ZNF550: variants seen among roughly 807,000 people sequenced by gnomAD.
ZNF550 encodes zinc finger protein 550.
Under a neutral mutation model 40.2 loss-of-function variants are expected in ZNF550, and 42 were observed. That is an observed-to-expected ratio of 1.05 (90% CI 0.82 to 1.35). The LOEUF (loss-of-function observed/expected upper bound fraction) is 1.35. ZNF550 is among the 40% of genes most tolerant of loss of function. The pLI, the probability that ZNF550 is intolerant of heterozygous loss-of-function variation, is 0.00. For missense variants in ZNF550, 549 were observed against 525.2 expected (o/e 1.05, Z -0.44); for synonymous variants, 223 against 198.6 (o/e 1.12, Z -1.03).
rs2090153938 is a variant in ZNF550 at position 57,559,689 on chromosome 19, G to A, written c.-7C>T. 3 of 1,501,016 alleles carry A rather than the reference G, an allele frequency of 2.0e-6. No homozygotes were observed. Among genetic ancestry groups the A allele is most frequent in the African/African-American group, 1.4e-5 (1 of 72,114 alleles). The allele number at this position is 1,501,016 out of a possible 1,614,324, so 93.0% of individuals were successfully genotyped here. ...CGTCCTTCGTCTCCGCCATCCGACC[G>A]TTGGCAGGACGAGGCCGCGTGGGGC... On this transcript the variant is annotated 5_prime_UTR_variant, in exon 1 of 5. In the 5' UTR this introduces an upstream ATG that the reference lacks. Coordinates refer to ENST00000457177, the Ensembl canonical transcript of ZNF550.
intron 1 of ZNF550, among the ~76,000 whole-genome samples, chr19:57,559,416 G>T (rs992981338): frequency 9.2e-5 from 14 of 152,314 alleles, no homozygotes; most frequent in East Asian, 5.8e-4. Flanking sequence ...CCTGTGAGGG[G>T]TTCCGGGACC....
At chr19:57,542,969 T>C (rs2123328580) in exon 5 of ZNF550, 1 of 152,500 alleles carries the variant, frequency 6.6e-6, no homozygotes. Context: ...GCCCTATGAA[T>C]TTCTGCAGTT....
chr19:57,555,740 C>T, intron 2 of ZNF550: 1 of 191,658 alleles, frequency 5.2e-6, no homozygotes. Context: ...TCCTGTGTAC[C>T]CTCTAAAAAC....
intron 4 of ZNF550, among the ~76,000 whole-genome samples, chr19:57,545,434 C>T (rs1177706712): frequency 6.6e-6 from 1 of 152,100 alleles, no homozygotes; most frequent in African/African-American, 2.4e-5. Context: ...AAATACCCCT[C>T]TACACAGGAT....
chr19:57,548,018 A>AG lies in ZNF550; in HGVS notation c.251-26dup, dbSNP rs1381013177. On this transcript the variant is annotated intron_variant, in intron 3 of 4. Transcript: ENST00000457177. ...CCTGAAGGGCATCAACAAACAAAGGAGGGGTCTTTTAGTGATAAAATATAG... is the reference window on the plus strand; with the variant it reads ...CCTGAAGGGCATCAACAAACAAAGGAGGGGGTCTTTTAGTGATAAAATATAG... 3.1e-6 allele frequency: 5 copies of AG among 1,593,514 alleles called. No individual in the cohort carries two copies. The East Asian group carries it at 1.1e-4, about 36-fold the overall frequency.
rs769369064 is a variant in ZNF550, at chr19:57,556,242, AG to A, written c.142del (p.Leu48TrpfsTer4). ...AGGTGAGTCATTACCTAGTGAAACC[AG>A]AAGCCCACAGGTCTCCAGCATCACC... is the stretch of plus-strand genomic sequence containing the variant. On this transcript the variant is annotated frameshift_variant, in exon 2 of 5. Transcript: ENST00000457177. LOFTEE classifies it high-confidence loss of function. 4 of 1,614,132 alleles carry A rather than the reference AG, an allele frequency of 2.5e-6. No individual in the cohort carries two copies. In the South Asian group the frequency reaches 3.3e-5, roughly 13 times the overall value.
At chr19:57,556,481 G>GC in intron 1 of ZNF550, 124 bp from the exon 2 acceptor site, 2 of 1,287,540 alleles carry the variant, frequency 1.6e-6, no homozygotes, top group Admixed American at 2.3e-5. Context: ...TCTCCTTTGG[G>GC]CTGACTTCCG....
At chr19:57,549,322 G>A (rs1158130419) in intron 3 of ZNF550, among the ~76,000 whole-genome samples, 2 of 152,128 alleles carry the variant, frequency 1.3e-5, no homozygotes, top group East Asian at 3.9e-4. Context: ...GTGCATGCCT[G>A]TAATCCCAGC....
intron 2 of ZNF550, chr19:57,552,970 A>C (rs879378034): frequency 3.1e-5 from 13 of 421,038 alleles, no homozygotes; most frequent in African/African-American, 1.6e-4. Context: ...TTAGAAGGTA[A>C]TTAAAATTAA....
chr19:57,547,361 C>CCTTTCGACACTGACTA lies in ZNF550; in HGVS notation c.882_883insTAGTCAGTGTCGAAAG (p.Ala295Ter), dbSNP rs751900658. 1 of 1,612,644 alleles carries CCTTTCGACACTGACTA rather than the reference C, an allele frequency of 6.2e-7. No homozygotes were observed. Among genetic ancestry groups the CCTTTCGACACTGACTA allele is most frequent in the African/African-American group, 1.3e-5 (1 of 74,802 alleles). On this transcript the variant is annotated stop_gained and frameshift_variant, in exon 4 of 5. Coordinates refer to ENST00000457177, the Ensembl canonical transcript of ZNF550. LOFTEE classifies it high-confidence loss of function. ...ATAAAAGTAGACCGGTGGGTGAAGG[C>CCTTTCGACACTGACTA]CTTTCGACATTGACTACACTCATAG...
At chr19:57,547,118 A>G (rs201235437) in exon 4 of ZNF550, 24 of 1,613,848 alleles carry the variant, frequency 1.5e-5, no homozygotes, top group East Asian at 2.2e-5. Flanking sequence ...GCTTTCCCAC[A>G]CTGGGTGCAT....
At chr19:57,553,039 A>C (rs1313177064) in intron 2 of ZNF550, 1 of 226,322 alleles carries the variant, frequency 4.4e-6, no homozygotes, top group Admixed American at 5.6e-5. Flanking sequence ...AAAAACAGAG[A>C]GAGATCTCTC....
intron 4 of ZNF550, chr19:57,544,051 A>G (rs2089986257): frequency 8.1e-6 from 8 of 985,462 alleles, no homozygotes; most frequent in Non-Finnish European, 9.6e-6. Flanking sequence ...AACGGGTGCT[A>G]AACAAGTTTA....
intron 2 of ZNF550, 167 bp from the exon 3 acceptor site, chr19:57,552,889 G>A: frequency 1.7e-6 from 1 of 580,188 alleles, no homozygotes; most frequent in Non-Finnish European, 3.1e-6. Context: ...CTCTGAGTGA[G>A]CTGTGTTCCC....
chr19:57,559,219 GAC>G (rs371517426), intron 1 of ZNF550, among the ~76,000 whole-genome samples: 2 of 152,302 alleles, frequency 1.3e-5, no homozygotes, highest in South Asian at 4.1e-4. Flanking sequence ...CACTGAGACG[GAC>G]ACACACACAT....
chr19:57,545,148 T>C (rs1271760205), intron 4 of ZNF550, among the ~76,000 whole-genome samples: 1 of 152,138 alleles, frequency 6.6e-6, no homozygotes, highest in Non-Finnish European at 1.5e-5. Context: ...AATTACCATA[T>C]TCAGTGCTAG....
chr19:57,558,208 G>A (rs756683503), intron 1 of ZNF550, among the ~76,000 whole-genome samples: 8 of 152,214 alleles, frequency 5.3e-5, no homozygotes, highest in Non-Finnish European at 1.0e-4. Context: ...TGGAACTGCA[G>A]CCCCGCAGAG....
Position 57,543,673 on chromosome 19 carries a change from C to T in ZNF550, c.*519-430G>A, listed in dbSNP as rs1019374578. The T allele has an allele frequency of 5.0e-5, 49 of 980,500 alleles. No homozygotes were observed. In the African/African-American group the frequency reaches 5.2e-4, roughly 11 times the overall value. The allele number at this position is 980,500 out of a possible 1,614,324, so 60.7% of individuals were successfully genotyped here. A position where few individuals can be genotyped will look rare whatever the true frequency, so the allele number is the denominator to read the frequency against. ...TACCTCTGCCGGGCACGGTGGCTCA[C>T]GCCTGTAATCGCAGCACTTTGGGAG... On this transcript the variant is annotated intron_variant, in intron 4 of 4. Coordinates refer to ENST00000457177, the Ensembl canonical transcript of ZNF550.
chr19:57,545,693 G>A lies in ZNF550; in HGVS notation c.*518+764C>T, dbSNP rs185045184. Among the ~76,000 whole-genome samples, 13 of 152,216 alleles carry A rather than the reference G, an allele frequency of 8.5e-5. No homozygotes were observed. The South Asian group carries it at 1.5e-3, about 17-fold the overall frequency. On this transcript the variant is annotated intron_variant, in intron 4 of 4. Transcript: ENST00000457177. ...GTCTAGCAGTTTGAGACAAATCTGG[G>A]GAACACAGCAAGACCTCATCTATAC...
Sources: gnomAD v4.1 joint callset for allele counts (sites outside exome capture counted in the v4.1 genomes callset) on GRCh38, gnomAD v4.1.1 for gene constraint, MANE v1.5 for transcripts, NCBI Gene and HGNC (gene_info 2026-07-23, HGNC 2026-07-21) for gene names.